RGPD3: variants seen among roughly 807,000 people sequenced by gnomAD.
RGPD3 encodes RANBP2 like and GRIP domain containing 3.
RGPD3 carries 62 observed loss-of-function variants against 154.5 expected under a neutral mutation model. That is an observed-to-expected ratio of 0.40 (90% CI 0.33 to 0.50). The LOEUF is 0.50. Ranked by LOEUF, RGPD3 falls within the 20% of genes least tolerant of loss-of-function variation. The pLI is 0.59. For synonymous variants in RGPD3, 308 were observed against 607.0 expected, an observed-to-expected ratio of 0.51 and a Z score of 7.24; for missense variants, 919 against 1,716.8, an observed-to-expected ratio of 0.54 and a Z score of 8.21.
At chr2:106,438,569 G>T (rs1161345466) in intron 9 of RGPD3, among the ~76,000 whole-genome samples, 6 of 151,426 alleles carry the variant, frequency 4.0e-5, no homozygotes, top group African/African-American at 1.2e-4. Flanking sequence ...ATCACCTGAG[G>T]TCAGGAGTTT....
chr2:106,435,310 T>A, intron 12 of RGPD3, 108 bp from the exon 13 acceptor site: 1 of 1,454,834 alleles, frequency 6.9e-7, no homozygotes, highest in Non-Finnish European at 9.5e-7. Flanking sequence ...CAAAACCAAA[T>A]GGTACCTCAA....
chr2:106,430,175 G>A (rs541489013), intron 17 of RGPD3, among the ~76,000 whole-genome samples: 2 of 150,236 alleles, frequency 1.3e-5, no homozygotes, highest in African/African-American at 2.4e-5. Flanking sequence ...GACCCACCAC[G>A]CCCGGACCTG....
intron 7 of RGPD3, among the ~76,000 whole-genome samples, chr2:106,446,569 C>CAAAAA (rs550745664): frequency 9.7e-5 from 2 of 20,550 alleles, no homozygotes; most frequent in Non-Finnish European, 1.7e-4. Context: ...GACTCCATCT[C>CAAAAA]AAAAAAAAAA....
At chr2:106,446,316 C>T (rs1337711153) in intron 7 of RGPD3, among the ~76,000 whole-genome samples, 1 of 150,838 alleles carries the variant, frequency 6.6e-6, no homozygotes, top group Non-Finnish European at 1.5e-5. Flanking sequence ...CCTGTAAATC[C>T]CAGCACTCTG....
At chr2:106,467,759 G>A in intron 1 of RGPD3, among the ~76,000 whole-genome samples, 1 of 142,672 alleles carries the variant, frequency 7.0e-6, no homozygotes, top group Non-Finnish European at 1.5e-5. Flanking sequence ...GCGCCCGTCG[G>A]GAGCCATGAC....
At chr2:106,465,684 G>T (rs1479742332) in intron 1 of RGPD3, among the ~76,000 whole-genome samples, 1 of 151,424 alleles carries the variant, frequency 6.6e-6, no homozygotes, top group Admixed American at 6.6e-5. Flanking sequence ...TGTGGAAAAG[G>T]TTAAAAATTG....
At position 106,465,791 on chromosome 2, in the gene RGPD3, G is replaced by A. The variant is rs566706808; in HGVS notation, c.72+2426C>T. Among the ~76,000 whole-genome samples, 4 of 151,904 alleles carry A rather than the reference G, an allele frequency of 2.6e-5. No individual in the cohort carries two copies. The South Asian group carries it at 8.4e-4, about 32-fold the overall frequency. ...CCGGGCAGGGAGGGGGGCGAGGGAG[G>A]TGAGTATGAGGAGTGGAGTGGAGCT... On this transcript the variant is annotated intron_variant, in intron 1 of 22. Coordinates refer to ENST00000409886, the MANE Select transcript of RGPD3 (RefSeq NM_001144013.2).
chr2:106,434,151 C>T (rs1309939506), intron 15 of RGPD3, 77 bp downstream of exon 15: 3 of 1,597,412 alleles, frequency 1.9e-6, no homozygotes, highest in African/African-American at 2.7e-5. Flanking sequence ...TTGAAATTAC[C>T]AAAATATAAG....
At chr2:106,417,592 G>A (rs865850225) in intron 20 of RGPD3, among the ~76,000 whole-genome samples, 2 of 149,936 alleles carry the variant, frequency 1.3e-5, no homozygotes, top group South Asian at 2.1e-4. Context: ...CCGGGTTACA[G>A]TGTGCATGTC....
At chr2:106,407,598 G>A (rs1192430593) in intron 22 of RGPD3, among the ~76,000 whole-genome samples, 1 of 151,980 alleles carries the variant, frequency 6.6e-6, no homozygotes, top group Non-Finnish European at 1.5e-5. Context: ...GCAATGAATG[G>A]TGTAAGCTGA....
intron 6 of RGPD3, among the ~76,000 whole-genome samples, chr2:106,448,852 A>C (rs62152516): frequency 6.7e-6 from 1 of 148,324 alleles, no homozygotes; most frequent in East Asian, 2.0e-4. Flanking sequence ...CAACATGCCC[A>C]GCTAATTTTT....
chr2:106,407,519 C>A (rs921304963), intron 22 of RGPD3, among the ~76,000 whole-genome samples: 3 of 150,952 alleles, frequency 2.0e-5, no homozygotes, highest in Non-Finnish European at 4.4e-5. Context: ...ACCTTGTTCC[C>A]AGGAATAAAG....
chr2:106,412,293 GTTTTTTTTTTTTTTT>G (rs772813472), intron 22 of RGPD3, among the ~76,000 whole-genome samples: 29 of 45,014 alleles, frequency 6.4e-4, no homozygotes, highest in East Asian at 3.3e-3. Context: ...CTACATCATA[GTTTTTTTTTTTTTTT>G]TTTTTTTTTT....
chr2:106,464,718 A>AT (rs1200270304), intron 1 of RGPD3, among the ~76,000 whole-genome samples: 1 of 146,956 alleles, frequency 6.8e-6, no homozygotes, highest in Admixed American at 6.8e-5. Context: ...AAAATTATAT[A>AT]TTTTTTTCTT....
At chr2:106,467,466 G>A (rs866380506) in intron 1 of RGPD3, among the ~76,000 whole-genome samples, 382 of 31,362 alleles carry the variant, frequency 0.012, 2 homozygotes, top group East Asian at 0.027. Flanking sequence ...TCAACAGAGC[G>A]CGCCAGGGAG....
In RGPD3 at chr2:106,411,764, G is replaced by T. The variant is rs541854395; in HGVS notation, c.5266+1320C>A. On this transcript the variant is annotated intron_variant, in intron 22 of 22. Coordinates refer to ENST00000409886, the MANE Select transcript of RGPD3 (RefSeq NM_001144013.2). ...ATCTGGGAGGAGGAGGTTGCAGTGA[G>T]CCATGATCGGACCACTGCACTCCAG... Among the ~76,000 whole-genome samples the T allele has an allele frequency of 7.2e-5, 11 of 152,264 alleles. No individual in the cohort carries two copies. The South Asian group carries it at 2.3e-3, about 32-fold the overall frequency.
chr2:106,463,398 C>T (rs1678463799), intron 1 of RGPD3, among the ~76,000 whole-genome samples: 1 of 152,188 alleles, frequency 6.6e-6, no homozygotes, highest in African/African-American at 2.4e-5. Flanking sequence ...TCACTTGAAC[C>T]CGGGAGGCGG....
At chr2:106,464,095 C>T (rs1373371186) in intron 1 of RGPD3, among the ~76,000 whole-genome samples, 5 of 152,126 alleles carry the variant, frequency 3.3e-5, no homozygotes, top group Non-Finnish European at 1.5e-5. Context: ...CCTGTAATCC[C>T]GGCACTTTGG....
At chr2:106,408,227 AAGG>A (rs1436671359) in intron 22 of RGPD3, among the ~76,000 whole-genome samples, 2 of 56,916 alleles carry the variant, frequency 3.5e-5, no homozygotes, top group Non-Finnish European at 6.8e-5. Flanking sequence ...TTTGTGATGC[AAGG>A]AGAAGAGCAA....
Sources: allele counts gnomAD v4.1 joint callset (sites outside exome capture counted in the v4.1 genomes callset), GRCh38; gene constraint gnomAD v4.1.1; transcripts MANE v1.5; gene names NCBI Gene and HGNC (gene_info 2026-07-23, HGNC 2026-07-21).